Variants in ZFHX4 observed in about 807,000 individuals in gnomAD.
ZFHX4 encodes the protein zinc finger homeobox protein 4.
In ZFHX4, 56 loss-of-function variants were observed where a neutral mutation model predicts 267.6. The ratio of observed to expected loss-of-function variants is 0.21; its 90% CI spans 0.17 to 0.26. ZFHX4 has a LOEUF of 0.26. Ranked by LOEUF, ZFHX4 falls within the 10% of genes least tolerant of loss-of-function variation. ZFHX4 has a pLI of 1.00. For missense variants in ZFHX4, 4,332 were observed against 4,420.0 expected (o/e 0.98, Z 0.56); for synonymous variants, 1,778 against 1,665.6 (o/e 1.07, Z -1.64).
intron 4 of ZFHX4, among the ~76,000 whole-genome samples, chr8:76,805,835 C>T (rs1251524621): frequency 5.9e-5 from 9 of 151,670 alleles, no homozygotes; most frequent in Admixed American, 1.3e-4. Flanking sequence ...TCTGAAATTA[C>T]GGTGTAAGTA....
chr8:76,795,318 G>A (rs1251377470), intron 4 of ZFHX4, among the ~76,000 whole-genome samples: 1 of 152,020 alleles, frequency 6.6e-6, no homozygotes, highest in Non-Finnish European at 1.5e-5. Flanking sequence ...CTGTAGCCTA[G>A]GCTAGAGTGC....
In ZFHX4 at chr8:76,864,031, G is replaced by A; in HGVS notation, c.10317G>A (p.Val3439=). ...GQPLIDPQET[V]LRVPVSKYQC... ...CTTTGATTGACCCACAAGAGACAGTGCTTCGTGTCCCAGTCAGCAAATATC... is the reference window on the plus strand; with the variant it reads ...CTTTGATTGACCCACAAGAGACAGTACTTCGTGTCCCAGTCAGCAAATATC... Residue 3439 remains valine, a synonymous_variant, in exon 11 of 11, where the codon GTG becomes GTA. Coordinates refer to ENST00000651372, the MANE Select transcript of ZFHX4 (RefSeq NM_024721.5). The A allele has an allele frequency of 3.1e-6, 5 of 1,613,858 alleles. No individual in the cohort carries two copies. Among genetic ancestry groups the A allele is most frequent in the Non-Finnish European group, 4.2e-6 (5 of 1,179,864 alleles).
At chr8:76,708,373 T>A in intron 3 of ZFHX4, 1 of 255,710 alleles carries the variant, frequency 3.9e-6, no homozygotes, top group Non-Finnish European at 7.5e-6. Flanking sequence ...TTTTTTTTTT[T>A]GAACCTAGCA....
chr8:76,863,548 C>A lies in ZFHX4; in HGVS notation c.9834C>A (p.Leu3278=). The A allele has an allele frequency of 6.2e-7, 1 of 1,613,780 alleles. No homozygotes were observed. Among genetic ancestry groups the A allele is most frequent in the Non-Finnish European group, 8.5e-7 (1 of 1,179,824 alleles). The stretch of plus-strand genomic sequence containing the variant: ...TTGCTTCTTATTTTACACCTCAGCT[C>A]CCTGGAACAGTGCAGGGGGGATACT... The part of the protein sequence containing the change: ...PGFASYFTPQ[L]PGTVQGGYFP... The change falls in exon 11 of 11, where the codon CTC becomes CTA. Residue 3278 remains leucine, a synonymous_variant. Coordinates refer to ENST00000651372, the MANE Select transcript of ZFHX4 (RefSeq NM_024721.5).
intron 3 of ZFHX4, among the ~76,000 whole-genome samples, chr8:76,768,962 G>A (rs1209290142): frequency 6.6e-6 from 1 of 152,122 alleles, no homozygotes; most frequent in Non-Finnish European, 1.5e-5. Flanking sequence ...GCTAGGTGTG[G>A]TGGTGCATGC....
chr8:76,771,051 A>G (rs1810251194), intron 3 of ZFHX4, among the ~76,000 whole-genome samples: 1 of 152,148 alleles, frequency 6.6e-6, no homozygotes, highest in South Asian at 2.1e-4. Flanking sequence ...GCCTAGCCAT[A>G]TGGTCATTCT....
chr8:76,699,172 A>T (rs1585857857), intron 1 of ZFHX4, among the ~76,000 whole-genome samples: 1 of 152,156 alleles, frequency 6.6e-6, no homozygotes, highest in Non-Finnish European at 1.5e-5. Flanking sequence ...GATTGCATTT[A>T]CTTTGATATA....
intron 4 of ZFHX4, among the ~76,000 whole-genome samples, chr8:76,789,623 C>T (rs932258160): frequency 1.3e-5 from 2 of 152,036 alleles, no homozygotes; most frequent in East Asian, 1.9e-4. Context: ...TTATTCATCT[C>T]CATTAATCAA....
intron 4 of ZFHX4, among the ~76,000 whole-genome samples, chr8:76,798,219 T>A (rs949779487): frequency 2.6e-5 from 4 of 152,158 alleles, no homozygotes; most frequent in Non-Finnish European, 5.9e-5. Context: ...GGTGTATGTA[T>A]CATGATTTTC....
At chr8:76,790,347 C>T (rs1810801748) in intron 4 of ZFHX4, among the ~76,000 whole-genome samples, 1 of 152,054 alleles carries the variant, frequency 6.6e-6, no homozygotes, top group Admixed American at 6.6e-5. Context: ...ATTAGATAAT[C>T]TTAAGTCACA....
intron 3 of ZFHX4, among the ~76,000 whole-genome samples, chr8:76,711,223 A>T (rs1327796181): frequency 6.6e-6 from 1 of 152,120 alleles, no homozygotes; most frequent in African/African-American, 2.4e-5. Flanking sequence ...TTTAAAAGCA[A>T]TTTTGTTACT....
Position 76,704,491 on chromosome 8 carries a change from C to G in ZFHX4, c.403C>G (p.Pro135Ala), listed in dbSNP as rs747575117. 6.2e-7 allele frequency: 1 copy of G among 1,613,928 alleles called. No individual in the cohort carries two copies. The highest frequency in any genetic ancestry group is 1.1e-5 in the South Asian group (1 of 91,072). ...ENLTGEIVYQPDGSAYIIEDS... is the reference protein window; with the variant it reads ...ENLTGEIVYQADGSAYIIEDS... ...TCTAACAGGGGAGATCGTTTACCAG[C>G]CTGATGGGTCAGCATATATAATTGA... The change falls in exon 2 of 11, where the codon CCT becomes GCT. Residue 135 changes from proline (P) to alanine (A), a missense_variant. Pro to Ala is a conservative substitution (Grantham distance 27, BLOSUM62 -1). Coordinates refer to ENST00000651372, the MANE Select transcript of ZFHX4 (RefSeq NM_024721.5).
At position 76,705,884 on chromosome 8, in the gene ZFHX4, G is replaced by A; in HGVS notation, c.1796G>A (p.Gly599Asp). ...HQHGFTPSTPGTPGPGGDGSP... is the reference protein window; with the variant it reads ...HQHGFTPSTPDTPGPGGDGSP... ...CATGGCTTTACCCCGAGTACTCCTG[G>A]CACACCAGGGCCTGGAGGAGACGGC... The change falls in exon 2 of 11, where the codon GGC becomes GAC. Residue 599 changes from glycine (G) to aspartate (D), a missense_variant. Gly to Asp is a moderately conservative substitution (Grantham distance 94). Around this residue, in one of 7 missense-constraint regions of ZFHX4, gnomAD observed 1,195 missense variants for 1,173.6 expected, o/e 1.02. Transcript: ENST00000651372. 1 of 1,613,712 alleles carries A rather than the reference G, an allele frequency of 6.2e-7. No individual in the cohort carries two copies.
chr8:76,798,508 A>G (rs1476586420), intron 4 of ZFHX4, among the ~76,000 whole-genome samples: 1 of 152,178 alleles, frequency 6.6e-6, no homozygotes, highest in Admixed American at 6.5e-5. Flanking sequence ...TAGCTTGTGG[A>G]TAGAATATTT....
rs775961283 is a variant in ZFHX4, at chr8:76,852,217, G to A, written c.5296G>A (p.Gly1766Ser). ...AGGCTCTGCCACATTTGGGATGCCTGGCATGACAGGAATGGCTGGCTCCTT... is the reference window on the plus strand; with the variant it reads ...AGGCTCTGCCACATTTGGGATGCCTAGCATGACAGGAATGGCTGGCTCCTT... ...LPGSATFGMP[G>S]MTGMAGSLLE... The change falls in exon 10 of 11, where the codon GGC becomes AGC. Residue 1766 changes from glycine (G) to serine (S), a missense_variant. Coordinates refer to ENST00000651372, the MANE Select transcript of ZFHX4 (RefSeq NM_024721.5). 1 of 1,613,418 alleles carries A rather than the reference G, an allele frequency of 6.2e-7. No homozygotes were observed.
chr8:76,860,327 C>G (rs1273258035), intron 10 of ZFHX4, among the ~76,000 whole-genome samples: 1 of 151,962 alleles, frequency 6.6e-6, no homozygotes, highest in Non-Finnish European at 1.5e-5. Flanking sequence ...TCCTGATAAT[C>G]TTTGATCTAG....
chr8:76,712,930 A>G (rs906477978), intron 3 of ZFHX4, among the ~76,000 whole-genome samples: 3 of 152,200 alleles, frequency 2.0e-5, no homozygotes, highest in African/African-American at 4.8e-5. Context: ...GAAAAAAAAC[A>G]GTTTCTCTAG....
chr8:76,734,722 G>A (rs1170473281), intron 3 of ZFHX4, among the ~76,000 whole-genome samples: 1 of 152,054 alleles, frequency 6.6e-6, no homozygotes, highest in African/African-American at 2.4e-5. Flanking sequence ...CATTTTCAGT[G>A]TGCTTTCAAA....
At chr8:76,711,389 A>T (rs985979329) in intron 3 of ZFHX4, among the ~76,000 whole-genome samples, 10 of 152,312 alleles carry the variant, frequency 6.6e-5, no homozygotes, top group African/African-American at 1.9e-4. Context: ...CATAATCTTT[A>T]CTTTTAATGT....
Sources: gnomAD v4.1 joint callset for allele counts (sites outside exome capture counted in the v4.1 genomes callset) on GRCh38, gnomAD v4.1.1 for gene constraint, gnomAD v4.1.1 regional missense constraint, MANE v1.5 for transcripts, NCBI Gene and HGNC (gene_info 2026-07-23, HGNC 2026-07-21) for gene names.